Variants in HTR2A observed in about 807,000 individuals in gnomAD.
The protein encoded by HTR2A is 5-HT2 receptor.
In HTR2A, 14 loss-of-function variants were observed where a neutral mutation model predicts 31.0. The ratio of observed to expected loss-of-function variants is 0.45; its 90% confidence interval spans 0.30 to 0.71. The LOEUF (loss-of-function observed/expected upper bound fraction) is 0.71. Among genes scored for constraint, HTR2A ranks in the 30% least tolerant of loss-of-function variants. The pLI is 0.09. For synonymous variants in HTR2A, 209 were observed against 225.2 expected (o/e 0.93, Z 0.64); for missense variants, 442 against 573.3 (o/e 0.77, Z 2.34).
Position 46,895,803 on chromosome 13 carries a change from C to T in HTR2A, c.104G>A (p.Gly35Glu). ...TRLYSNDFNS[G>E]EANTSDAFNW... ...AAATGCATCAGAAGTGTTAGCTTCTCCGGAGTTAAAGTCATTACTGTAGAG... is the reference window on the plus strand; with the variant it reads ...AAATGCATCAGAAGTGTTAGCTTCTTCGGAGTTAAAGTCATTACTGTAGAG... The change falls in exon 2 of 4, where the codon GGA (glycine) becomes GAA (glutamate). Residue 35 changes from glycine (G) to glutamate (E), a missense_variant. By Grantham distance (98) the Gly-to-Glu change is moderately conservative. This residue lies in a region of HTR2A where 83 missense variants were observed against 84.8 expected (regional missense o/e 0.98). Coordinates refer to ENST00000542664, the MANE Select transcript of HTR2A (RefSeq NM_000621.5). The surrounding 1 kb of genome is among the most constrained non-coding windows in gnomAD (Gnocchi z 4.4). 6.2e-7 allele frequency: 1 copy of T among 1,614,036 alleles called. No homozygotes were observed. The highest frequency in any genetic ancestry group is 8.5e-7 in the Non-Finnish European group (1 of 1,179,942).
At chr13:46,840,273 T>A (rs1298114967) in intron 3 of HTR2A, among the ~76,000 whole-genome samples, 1 of 152,180 alleles carries the variant, frequency 6.6e-6, no homozygotes, top group Non-Finnish European at 1.5e-5. Flanking sequence ...CAACTGCCAA[T>A]GGGACTCACT....
Position 46,872,662 on chromosome 13 carries a change from C to T in HTR2A, c.613+19728G>A, listed in dbSNP as rs115387397. ...GACACATGAAAACATTGGTTTAATA[C>T]CTTGTGTCTCTGTTAGTTTAATACC... On this transcript the variant is annotated intron_variant, in intron 3 of 3. Transcript: ENST00000542664. Among the ~76,000 whole-genome samples, 897 of 152,208 alleles carry T rather than the reference C, an allele frequency of 5.9e-3. 9 individuals are homozygous for T. Among genetic ancestry groups the T allele is most frequent in the African/African-American group, 0.021 (854 of 41,498 alleles).
At chr13:46,878,036 C>T (rs1200007169) in intron 3 of HTR2A, among the ~76,000 whole-genome samples, 1 of 152,070 alleles carries the variant, frequency 6.6e-6, no homozygotes, top group Non-Finnish European at 1.5e-5. Flanking sequence ...GGACTTTATG[C>T]CTTTCATTTA....
intron 3 of HTR2A, among the ~76,000 whole-genome samples, chr13:46,873,596 CT>C (rs1950882201): frequency 6.6e-6 from 1 of 151,994 alleles, no homozygotes; most frequent in Non-Finnish European, 1.5e-5. Flanking sequence ...TCCCTACCCC[CT>C]CCCCCTACCC....
At chr13:46,838,019 G>A (rs939187090) in intron 3 of HTR2A, among the ~76,000 whole-genome samples, 2 of 152,152 alleles carry the variant, frequency 1.3e-5, no homozygotes, top group Non-Finnish European at 2.9e-5. Flanking sequence ...AGAGATTGAT[G>A]AGCTGTGCCT....
intron 3 of HTR2A, among the ~76,000 whole-genome samples, chr13:46,861,577 T>A (rs1391858688): frequency 6.6e-6 from 1 of 152,212 alleles, no homozygotes; most frequent in Non-Finnish European, 1.5e-5. Context: ...TCTGTTTGGA[T>A]CTATCAAGCA....
At chr13:46,890,694 C>T (rs954174474) in intron 3 of HTR2A, among the ~76,000 whole-genome samples, 14 of 152,124 alleles carry the variant, frequency 9.2e-5, no homozygotes, top group African/African-American at 3.4e-4. Context: ...GTTGACCTTC[C>T]CAGCATTTGT....
In HTR2A at chr13:46,835,053, C is replaced by G. The variant is rs1169496638; in HGVS notation, c.1200G>C (p.Lys400Asn). ...TTAACTGCAATGGTTTTTTGTTTTC[C>G]TTGTACTGACACTGAATATACCGTG... Reference protein sequence around the residue: ...AFSRYIQCQYKENKKPLQLIL... With the variant: ...AFSRYIQCQYNENKKPLQLIL... The change falls in exon 4 of 4, where the codon AAG (lysine) becomes AAC (asparagine). Residue 400 changes from lysine to asparagine, a missense_variant. Transcript: ENST00000542664. 1 of 1,613,930 alleles carries G rather than the reference C, an allele frequency of 6.2e-7. No individual in the cohort carries two copies. The highest frequency in any genetic ancestry group is 1.1e-5 in the South Asian group (1 of 91,076).
At chr13:46,883,244 G>A (rs1027932780) in intron 3 of HTR2A, among the ~76,000 whole-genome samples, 7 of 152,220 alleles carry the variant, frequency 4.6e-5, no homozygotes, top group Admixed American at 3.3e-4. Context: ...GCTGCATGAA[G>A]GCAAGAGGTT....
intron 3 of HTR2A, among the ~76,000 whole-genome samples, chr13:46,864,830 A>G (rs912814881): frequency 1.3e-5 from 2 of 152,168 alleles, no homozygotes. Context: ...TGTATAAAAG[A>G]GTGAGATTCG....
At chr13:46,864,233 A>G (rs978275393) in intron 3 of HTR2A, among the ~76,000 whole-genome samples, 1 of 152,108 alleles carries the variant, frequency 6.6e-6, no homozygotes, top group African/African-American at 2.4e-5. Flanking sequence ...ACAACACACA[A>G]CTAGGGCCTG....
At chr13:46,880,272 A>T (rs970583092) in intron 3 of HTR2A, among the ~76,000 whole-genome samples, 5 of 152,184 alleles carry the variant, frequency 3.3e-5, no homozygotes, top group African/African-American at 1.2e-4. Flanking sequence ...GATCCACCTT[A>T]GCTCCTTGCA....
chr13:46,834,765 A>ATT lies in HTR2A; in HGVS notation c.*71_*72insAA. On this transcript the variant is annotated 3_prime_UTR_variant, in exon 4 of 4. Transcript: ENST00000542664. Reference sequence around the variant, plus strand: ...GACTTGTCTAATTTTTTCCAATCTCATATTTTTTTTTTTCCAGATAGGTGA... The same window carrying ATT: ...GACTTGTCTAATTTTTTCCAATCTCATTTATTTTTTTTTTTCCAGATAGGTGA... 8.2e-7 allele frequency: 1 copy of ATT among 1,214,738 alleles called. No individual in the cohort carries two copies. Among genetic ancestry groups the ATT allele is most frequent in the Non-Finnish European group, 1.1e-6 (1 of 876,596 alleles). 75.2% of individuals were successfully genotyped at this position (1,214,738 alleles called of 1,614,324 possible). A position where few individuals can be genotyped will look rare whatever the true frequency, so the allele number is the denominator to read the frequency against.
Position 46,834,743 on chromosome 13 carries a change from T to C in HTR2A, c.*94A>G. 1 of 973,618 alleles carries C rather than the reference T, an allele frequency of 1.0e-6. No homozygotes were observed. The highest frequency in any genetic ancestry group is 1.5e-6 in the Non-Finnish European group (1 of 653,802). 60.3% of individuals were successfully genotyped at this position (973,618 alleles called of 1,614,324 possible). A position where few individuals can be genotyped will look rare whatever the true frequency, so the allele number is the denominator to read the frequency against. ...GATATGATCGTTGGTTCCACTAGACTTGTCTAATTTTTTCCAATCTCATAT... is the reference window on the plus strand; with the variant it reads ...GATATGATCGTTGGTTCCACTAGACCTGTCTAATTTTTTCCAATCTCATAT... On this transcript the variant is annotated 3_prime_UTR_variant, in exon 4 of 4. Coordinates refer to ENST00000542664, the MANE Select transcript of HTR2A (RefSeq NM_000621.5).
chr13:46,891,652 T>C (rs1398872536), intron 3 of HTR2A, among the ~76,000 whole-genome samples: 2 of 152,208 alleles, frequency 1.3e-5, no homozygotes, highest in East Asian at 3.8e-4. Context: ...GATTTTAAAA[T>C]GAATGTCAGA....
At chr13:46,863,630 G>GAAAAA (rs59693757) in intron 3 of HTR2A, among the ~76,000 whole-genome samples, 22 of 59,248 alleles carry the variant, frequency 3.7e-4, no homozygotes, top group East Asian at 5.7e-4. Context: ...CCCTCAAAAT[G>GAAAAA]AAAAAAAAAA....
In HTR2A at chr13:46,834,095, C is replaced by A. The variant is rs965792307; in HGVS notation, c.*742G>T. 6.6e-6 allele frequency: 1 copy of A among 152,564 alleles called. No individual in the cohort carries two copies. Among genetic ancestry groups the A allele is most frequent in the African/African-American group, 2.4e-5 (1 of 41,446 alleles). 9.5% of individuals were successfully genotyped at this position (152,564 alleles called of 1,614,324 possible). On this transcript the variant is annotated 3_prime_UTR_variant, in exon 4 of 4. Coordinates refer to ENST00000542664, the MANE Select transcript of HTR2A (RefSeq NM_000621.5). ...CCTTTTGCTAGTTTACCTAGAGGAA[C>A]AAATATTAAACAAGACCACACTGGA...
chr13:46,834,917 C>T lies in HTR2A; in HGVS notation c.1336G>A (p.Val446Ile). Residue 446 changes from valine to isoleucine, a missense_variant, in exon 4 of 4, where the codon GTT becomes ATT. By Grantham distance (29) the Val-to-Ile change is conservative. Around this residue, in one of 5 missense-constraint regions of HTR2A, gnomAD observed 88 missense variants for 83.1 expected, o/e 1.06. Transcript: ENST00000542664. ...AKTTDNDCSM[V>I]ALGKQHSEEA... ...TCAGAATGCTGCTTTCCTAGAGCAA[C>T]CATTGAGCAGTCATTATCTGTTGTC... The T allele has an allele frequency of 6.2e-7, 1 of 1,614,074 alleles. No homozygotes were observed.
At chr13:46,860,975 T>G (rs1168272705) in intron 3 of HTR2A, among the ~76,000 whole-genome samples, 1 of 152,136 alleles carries the variant, frequency 6.6e-6, no homozygotes, top group Non-Finnish European at 1.5e-5. Flanking sequence ...GAAATGCAAA[T>G]TCAGATATAT....
Sources: gnomAD v4.1 joint callset for allele counts (sites outside exome capture counted in the v4.1 genomes callset) on GRCh38, gnomAD v4.1.1 for gene constraint, gnomAD v4.1.1 regional missense constraint, Gnocchi (gnomAD v3.1) non-coding constraint, MANE v1.5 for transcripts, NCBI Gene and HGNC (gene_info 2026-07-23, HGNC 2026-07-21) for gene names.